Variants in ZDHHC11 observed in about 807,000 individuals in gnomAD.
ZDHHC11 encodes palmitoyltransferase ZDHHC11.
In ZDHHC11, 44 loss-of-function variants were observed where a neutral mutation model predicts 51.3. That is an observed-to-expected ratio of 0.86 (90% CI 0.67 to 1.10). The LOEUF (loss-of-function observed/expected upper bound fraction) is 1.10, where lower values mean the gene tolerates loss of function less well. ZDHHC11 is among the 50% of genes least tolerant of loss of function. The pLI, the probability that ZDHHC11 is intolerant of heterozygous loss-of-function variation, is 0.00. For missense variants in ZDHHC11, 400 were observed against 537.7 expected (o/e 0.74, Z 2.53); for synonymous variants, 163 against 222.0 (o/e 0.73, Z 2.36).
chr5:850,351 G>T, intron 1 of ZDHHC11, 30 bp downstream of exon 1: 2 of 1,608,394 alleles, frequency 1.2e-6, no homozygotes, highest in Non-Finnish European at 1.7e-6. Context: ...AACCCCTCCC[G>T]CTTAGACCAT....
chr5:802,097 A>G (rs7716500), intron 11 of ZDHHC11, among the ~76,000 whole-genome samples: 38,585 of 150,656 alleles, frequency 0.26, 8,122 homozygotes, highest in African/African-American at 0.59. Context: ...GAATTGCCAC[A>G]GAGGAGCAGT....
chr5:800,229 C>A (rs929669776), intron 12 of ZDHHC11, among the ~76,000 whole-genome samples: 1 of 150,634 alleles, frequency 6.6e-6, no homozygotes, highest in South Asian at 2.1e-4. Context: ...ATGTTTTGCC[C>A]GATCATAGGG....
intron 5 of ZDHHC11, among the ~76,000 whole-genome samples, chr5:838,181 A>C (rs1273596668): frequency 6.6e-6 from 1 of 151,992 alleles, no homozygotes; most frequent in African/African-American, 2.4e-5. Flanking sequence ...ACAGCTCAGC[A>C]GGCTGGCCAG....
intron 5 of ZDHHC11, 38 bp from the exon 6 acceptor site, chr5:837,518 C>A (rs749771873): frequency 1.3e-6 from 2 of 1,599,660 alleles, no homozygotes; most frequent in Non-Finnish European, 1.7e-6. Context: ...AAGATACCAG[C>A]CCTGCGGCTT....
intron 11 of ZDHHC11, 79 bp downstream of exon 11, chr5:814,682 G>T: frequency 1.5e-6 from 2 of 1,368,284 alleles, no homozygotes; most frequent in South Asian, 1.5e-5. Context: ...GTTAAATAGA[G>T]AACATATTTT....
intron 11 of ZDHHC11, among the ~76,000 whole-genome samples, chr5:802,135 T>C (rs1468198218): frequency 6.6e-6 from 1 of 151,176 alleles, no homozygotes; most frequent in Admixed American, 6.6e-5. Flanking sequence ...GGGCTCCTGA[T>C]GGGGTGATTA....
chr5:851,376 C>T (rs973915311), upstream of ZDHHC11, among the ~76,000 whole-genome samples: 3 of 140,790 alleles, frequency 2.1e-5, no homozygotes, highest in African/African-American at 5.4e-5. Context: ...TGTCACAGAG[C>T]GGCAGTGAAA....
Position 857,668 on chromosome 5 carries a change from C to T in ZDHHC11, c.-1+1206G>A, listed in dbSNP as rs898970310. On this transcript the variant is annotated intron_variant, in intron 1 of 3. Coordinates refer to the ZDHHC11 transcript ENST00000685990. ...CCATCCCTGTCTTTATGACACCAGG[C>T]CCCTAGAGTCTGTCCAGGTCCCATC... Among the ~76,000 whole-genome samples, 5 of 146,758 alleles carry T rather than the reference C, an allele frequency of 3.4e-5. No individual in the cohort carries two copies. The East Asian group carries it at 8.2e-4, about 24-fold the overall frequency.
intron 3 of ZDHHC11, among the ~76,000 whole-genome samples, chr5:846,870 C>T (rs1321757874): frequency 6.8e-6 from 1 of 146,222 alleles, no homozygotes; most frequent in African/African-American, 2.6e-5. Flanking sequence ...GTTCTTGCAC[C>T]TCCACCATCC....
At chr5:853,733 C>G (rs1324033249), upstream of ZDHHC11, among the ~76,000 whole-genome samples, 1 of 150,316 alleles carries the variant, frequency 6.7e-6, no homozygotes, top group East Asian at 2.0e-4. Context: ...GGACAGTGAG[C>G]TGGGGAGACA....
At chr5:819,992 G>T (rs975083903) in intron 9 of ZDHHC11, among the ~76,000 whole-genome samples, 1 of 151,410 alleles carries the variant, frequency 6.6e-6, no homozygotes, top group Non-Finnish European at 1.5e-5. Context: ...TGTCACAGGG[G>T]TGTCAGGTGG....
In ZDHHC11 at chr5:850,253, A is replaced by C. The variant is rs1178504785; in HGVS notation, c.222+128T>G. The C allele has an allele frequency of 1.2e-5, 13 of 1,071,860 alleles. No homozygotes were observed. The East Asian group carries it at 3.1e-4, about 26-fold the overall frequency. 66.4% of individuals were successfully genotyped at this position (1,071,860 alleles called of 1,614,324 possible). On this transcript the variant is annotated intron_variant, in intron 1 of 12. Transcript: ENST00000283441. ...CTGGGCCCACCTGCAGGCTCAGGGG[A>C]CATAGTCTGGCCCAGGGCAGGTGAC...
chr5:837,754 T>C (rs1478425907), intron 5 of ZDHHC11, among the ~76,000 whole-genome samples: 4 of 151,888 alleles, frequency 2.6e-5, no homozygotes, highest in Admixed American at 6.6e-5. Flanking sequence ...CACGGCCTCA[T>C]TGAGCTGCAT....
chr5:859,312 G>C (rs987236295), upstream of ZDHHC11, among the ~76,000 whole-genome samples: 18 of 152,088 alleles, frequency 1.2e-4, no homozygotes, highest in African/African-American at 4.3e-4. Context: ...AAGTTTACTA[G>C]CCTGCAAAAG....
chr5:816,030 G>A (rs148120842), intron 10 of ZDHHC11, among the ~76,000 whole-genome samples: 9 of 151,544 alleles, frequency 5.9e-5, no homozygotes, highest in African/African-American at 1.9e-4. Context: ...GTGCTTTGTC[G>A]TTCATATTAT....
At chr5:797,905 C>A (rs1360636141) in intron 12 of ZDHHC11, among the ~76,000 whole-genome samples, 2 of 150,650 alleles carry the variant, frequency 1.3e-5, no homozygotes, top group African/African-American at 2.4e-5. Context: ...TTATGCTTGG[C>A]TCCTGGGAAT....
At chr5:855,641 G>A (rs1748107422), upstream of ZDHHC11, among the ~76,000 whole-genome samples, 2 of 138,994 alleles carry the variant, frequency 1.4e-5, no homozygotes, top group African/African-American at 5.4e-5. Context: ...GAGCTGGGGG[G>A]CACAGACCCC....
At chr5:797,440 C>G (rs1227887700) in intron 12 of ZDHHC11, among the ~76,000 whole-genome samples, 1 of 151,650 alleles carries the variant, frequency 6.6e-6, no homozygotes, top group African/African-American at 2.4e-5. Context: ...CATAACATAG[C>G]CTTCAAACTG....
At chr5:852,801 A>T (rs1579828930), upstream of ZDHHC11, among the ~76,000 whole-genome samples, 1 of 147,710 alleles carries the variant, frequency 6.8e-6, no homozygotes, top group East Asian at 2.1e-4. Context: ...GAGGACAGCA[A>T]GCAGCGGGGA....
Sources: allele counts gnomAD v4.1 joint callset (sites outside exome capture counted in the v4.1 genomes callset), GRCh38; gene constraint gnomAD v4.1.1; transcripts MANE v1.5; gene names NCBI Gene and HGNC (gene_info 2026-07-23, HGNC 2026-07-21).